The following MTR variants were observed in gnomAD, a reference collection of about 807,000 sequenced individuals.
MTR encodes the protein methionine synthase.
MTR carries 84 observed loss-of-function variants against 154.8 expected under a neutral mutation model. The observed-to-expected ratio is 0.54, with a 90% CI of 0.45 to 0.65. The LOEUF (loss-of-function observed/expected upper bound fraction) is 0.65. Ranked by LOEUF, MTR falls within the 30% of genes least tolerant of loss-of-function variation. MTR has a pLI of 0.00. For synonymous variants in MTR, 554 were observed against 553.9 expected (o/e 1.00, Z 0.00); for missense variants, 1,275 against 1,570.2 (o/e 0.81, Z 3.18).
chr1:236,808,517 G>C (rs1416760563), intron 3 of MTR, among the ~76,000 whole-genome samples, 187 bp from the exon 4 acceptor site: 1 of 152,204 alleles, frequency 6.6e-6, no homozygotes. Flanking sequence ...AAGGACTCTT[G>C]TCTTTCCTTG....
intron 4 of MTR, among the ~76,000 whole-genome samples, chr1:236,809,114 CAGCT>C (rs1451183661): frequency 1.3e-5 from 2 of 152,218 alleles, no homozygotes; most frequent in Non-Finnish European, 2.9e-5. Flanking sequence ...TTAAAAGTAA[CAGCT>C]GGCTGTTTTG....
chr1:236,897,124 C>T lies in MTR; in HGVS notation c.3711+6C>T. The T allele has an allele frequency of 6.3e-7, 1 of 1,593,776 alleles. No homozygotes were observed. Among genetic ancestry groups the T allele is most frequent in the Non-Finnish European group, 8.6e-7 (1 of 1,161,470 alleles). On this transcript the variant is annotated splice_donor_region_variant and intron_variant, in intron 32 of 32. Transcript: ENST00000366577. ...GGAAGATTTCCAAGGATCAGGTAAG[C>T]TAGCTGTTGCATTATATGTGGCTTG... is the stretch of plus-strand genomic sequence containing the variant.
chr1:236,845,328 T>C (rs917897419), intron 15 of MTR, among the ~76,000 whole-genome samples: 5 of 152,234 alleles, frequency 3.3e-5, no homozygotes, highest in South Asian at 4.1e-4. Flanking sequence ...ATGAAAGATA[T>C]ACAAATTAGA....
At chr1:236,809,497 A>G (rs918822077) in intron 4 of MTR, among the ~76,000 whole-genome samples, 2 of 152,268 alleles carry the variant, frequency 1.3e-5, no homozygotes, top group Admixed American at 6.5e-5. Flanking sequence ...TACACAGCAT[A>G]CTAATGAAGA....
intron 27 of MTR, among the ~76,000 whole-genome samples, chr1:236,886,745 C>CGTGG (rs1666031223): frequency 6.6e-6 from 1 of 152,206 alleles, no homozygotes; most frequent in South Asian, 2.1e-4. Flanking sequence ...GCTGTGCTTG[C>CGTGG]GTGGGTCCCC....
At chr1:236,813,749 C>G (rs759427289) in intron 6 of MTR, among the ~76,000 whole-genome samples, 7 of 152,068 alleles carry the variant, frequency 4.6e-5, no homozygotes, top group Non-Finnish European at 8.8e-5. Flanking sequence ...CTGAGGAAAT[C>G]AGGCCCCTCT....
chr1:236,873,898 C>T (rs1665282372), intron 23 of MTR, 58 bp downstream of exon 23: 1 of 1,507,404 alleles, frequency 6.6e-7, no homozygotes, highest in Admixed American at 1.7e-5. Flanking sequence ...AGGTGTCTGT[C>T]ATTTCCCTAG....
chr1:236,853,321 T>C (rs571960664), intron 18 of MTR, among the ~76,000 whole-genome samples: 1 of 152,344 alleles, frequency 6.6e-6, no homozygotes, highest in East Asian at 1.9e-4. Context: ...TTTAAATTTA[T>C]TGTAAAATGT....
At chr1:236,818,824 C>T (rs1661754288) in intron 8 of MTR, among the ~76,000 whole-genome samples, 3 of 152,060 alleles carry the variant, frequency 2.0e-5, no homozygotes, top group Non-Finnish European at 4.4e-5. Flanking sequence ...GAATACAGTC[C>T]AATCTGGAAT....
Position 236,895,378 on chromosome 1 carries a change from T to G in MTR, c.3426T>G (p.His1142Gln). 1 of 1,601,932 alleles carries G rather than the reference T, an allele frequency of 6.2e-7. No homozygotes were observed. The highest frequency in any genetic ancestry group is 8.5e-7 in the Non-Finnish European group (1 of 1,173,798). ...RLAEAFAEEL[H>Q]ERVRRELWAY... Reference sequence around the variant, plus strand: ...CCAAGGCCTTTGCAGAAGAGCTCCATGAAAGAGTTCGCCGAGAACTGTGGG... The same window carrying G: ...CCAAGGCCTTTGCAGAAGAGCTCCAGGAAAGAGTTCGCCGAGAACTGTGGG... Residue 1142 changes from histidine (H) to glutamine (Q), a missense_variant, in exon 31 of 33, where the codon CAT becomes CAG. By Grantham distance (24) the His-to-Gln change is conservative. Coordinates refer to ENST00000366577, the MANE Select transcript of MTR (RefSeq NM_000254.3).
intron 14 of MTR, among the ~76,000 whole-genome samples, chr1:236,836,877 A>G (rs1011249408): frequency 2.6e-5 from 4 of 152,196 alleles, no homozygotes; most frequent in Non-Finnish European, 2.9e-5. Context: ...GTAAGGCCCA[A>G]TCAAGTCAAT....
intron 25 of MTR, among the ~76,000 whole-genome samples, chr1:236,881,695 G>A (rs985354586): frequency 6.6e-6 from 1 of 152,126 alleles, no homozygotes; most frequent in Non-Finnish European, 1.5e-5. Flanking sequence ...TAGGGTGACC[G>A]CATTTCCTGA....
At chr1:236,887,059 T>C (rs1032272287) in intron 27 of MTR, among the ~76,000 whole-genome samples, 9 of 152,214 alleles carry the variant, frequency 5.9e-5, no homozygotes, top group Admixed American at 4.6e-4. Context: ...GTGTAAGATG[T>C]TTTGACAGGC....
At chr1:236,838,950 C>T (rs1663068724) in intron 15 of MTR, among the ~76,000 whole-genome samples, 1 of 152,272 alleles carries the variant, frequency 6.6e-6, no homozygotes, top group South Asian at 2.1e-4. Flanking sequence ...TGTTACCGTA[C>T]TGAATACTAT....
chr1:236,829,128 A>G, intron 11 of MTR, 61 bp from the exon 12 acceptor site: 1 of 1,281,778 alleles, frequency 7.8e-7, no homozygotes, highest in Non-Finnish European at 1.1e-6. Context: ...TTTTGAAATT[A>G]GTTTCATTAA....
chr1:236,814,469 C>G (rs1379128010), intron 6 of MTR, among the ~76,000 whole-genome samples: 1 of 152,172 alleles, frequency 6.6e-6, no homozygotes, highest in African/African-American at 2.4e-5. Flanking sequence ...TTATATGGAA[C>G]TAATGTCCCT....
At chr1:236,837,139 T>C (rs1662953668) in intron 14 of MTR, among the ~76,000 whole-genome samples, 1 of 152,160 alleles carries the variant, frequency 6.6e-6, no homozygotes, top group Non-Finnish European at 1.5e-5. Flanking sequence ...ACCAGTAGGG[T>C]TGGGACACCA....
chr1:236,864,163 G>A (rs949584245), intron 22 of MTR, among the ~76,000 whole-genome samples: 7 of 152,058 alleles, frequency 4.6e-5, no homozygotes, highest in African/African-American at 1.7e-4. Context: ...TATGTGTTTC[G>A]CTTAGATTTG....
Position 236,903,639 on chromosome 1 carries a change from C to G in MTR, c.*5995C>G, listed in dbSNP as rs1449451071. 6.6e-6 allele frequency: 1 copy of G among 152,154 alleles called. No individual in the cohort carries two copies. The highest frequency in any genetic ancestry group is 1.5e-5 in the Non-Finnish European group (1 of 68,026). The allele number at this position is 152,154 out of a possible 1,614,324, so 9.4% of individuals were successfully genotyped here. A position where few individuals can be genotyped will look rare whatever the true frequency, so the allele number is the denominator to read the frequency against. On this transcript the variant is annotated 3_prime_UTR_variant, in exon 33 of 33. Coordinates refer to ENST00000366577, the MANE Select transcript of MTR (RefSeq NM_000254.3). ...GGAAGAAACAAGAACTAGACAGAGT[C>G]ACAAATGCTGTTGATCACAGACAAT...
Sources: gnomAD v4.1 joint callset for allele counts (sites outside exome capture counted in the v4.1 genomes callset) on GRCh38, gnomAD v4.1.1 for gene constraint, MANE v1.5 for transcripts, NCBI Gene and HGNC (gene_info 2026-07-23, HGNC 2026-07-21) for gene names.